Variants in RBPJL observed in about 807,000 individuals in gnomAD.
RBPJL encodes the protein recombining binding protein suppressor of hairless-like protein.
A neutral mutation model predicts 57.6 loss-of-function variants in RBPJL; 50 were observed. The observed-to-expected ratio is 0.87, with a 90% CI of 0.69 to 1.10. The LOEUF is 1.10. Ranked by LOEUF, RBPJL falls within the 50% of genes least tolerant of loss-of-function variation. RBPJL has a pLI of 0.00. For missense variants in RBPJL, 684 were observed against 693.7 expected (o/e 0.99, Z 0.16); for synonymous variants, 303 against 294.4 (o/e 1.03, Z -0.30).
intron 5 of RBPJL, 47 bp from the exon 6 acceptor site, chr20:45,312,174 C>T (rs370364624): frequency 8.7e-6 from 14 of 1,612,526 alleles, no homozygotes; most frequent in African/African-American, 1.3e-5. Context: ...GTTCATCCGA[C>T]GGGGGAGGGC....
In RBPJL at chr20:45,314,471, A is replaced by G. The variant is rs1361910088; in HGVS notation, c.926A>G (p.Gln309Arg). 6.2e-7 allele frequency: 1 copy of G among 1,614,102 alleles called. No individual in the cohort carries two copies. Among genetic ancestry groups the G allele is most frequent in the Admixed American group, 1.7e-5 (1 of 60,008 alleles). ...CTTGATGTGGATGAGCCCATCTCCC[A>G]GCTGCACAAGTGTGCATTCCAGTTT... is the stretch of plus-strand genomic sequence containing the variant. ...ALLDVDEPIS[Q>R]LHKCAFQFPG... is the part of the protein sequence containing the mutation. The change falls in exon 9 of 12, where the codon CAG becomes CGG. Residue 309 changes from glutamine (Q) to arginine (R), a missense_variant. Physicochemically the swap from Gln to Arg is conservative, Grantham distance 43. Coordinates refer to ENST00000343694, the MANE Select transcript of RBPJL (RefSeq NM_014276.4).
intron 6 of RBPJL, among the ~76,000 whole-genome samples, chr20:45,313,007 C>CA (rs11476630): frequency 0.038 from 4,677 of 121,818 alleles, 105 homozygotes; most frequent in Admixed American, 0.064. Flanking sequence ...GATGCTATCT[C>CA]AAAAAAAAAA....
chr20:45,313,925 C>T (rs943963265), intron 7 of RBPJL, 110 bp from the exon 8 acceptor site: 15 of 814,120 alleles, frequency 1.8e-5, no homozygotes, highest in African/African-American at 1.7e-5. Context: ...CAAGCTTTCC[C>T]GCAGGGCCCA....
chr20:45,314,212 G>A, intron 8 of RBPJL, 68 bp downstream of exon 8: 1 of 1,440,456 alleles, frequency 6.9e-7, no homozygotes, highest in Non-Finnish European at 9.7e-7. Flanking sequence ...GCACACACGG[G>A]CAGGGCTGGA....
At chr20:45,308,699 A>G (rs1037214793) in intron 2 of RBPJL, among the ~76,000 whole-genome samples, 2 of 151,928 alleles carry the variant, frequency 1.3e-5, no homozygotes, top group Non-Finnish European at 2.9e-5. Context: ...CAAGAGGAAT[A>G]AGGGCTCAGA....
intron 10 of RBPJL, 52 bp from the exon 11 acceptor site, chr20:45,316,425 G>C: frequency 6.4e-7 from 1 of 1,572,560 alleles, no homozygotes. Flanking sequence ...GGGGGCAGCG[G>C]GTTCCCGCCC....
Position 45,316,585 on chromosome 20 carries a change from G to C in RBPJL, c.1280+5G>C. 1 of 1,522,610 alleles carries C rather than the reference G, an allele frequency of 6.6e-7. No homozygotes were observed. Among genetic ancestry groups the C allele is most frequent in the Non-Finnish European group, 8.8e-7 (1 of 1,133,762 alleles). 94.3% of individuals were successfully genotyped at this position (1,522,610 alleles called of 1,614,324 possible). A position where few individuals can be genotyped will look rare whatever the true frequency, so the allele number is the denominator to read the frequency against. On this transcript the variant is annotated splice_donor_5th_base_variant and intron_variant, in intron 11 of 11. Transcript: ENST00000343694. ...GGAGGCAGAAACCATGTACAGGTAC[G>C]GGGTGGTGAGGCAGCCTCTCTTGGG...
rs1381779510 is a variant in RBPJL at position 45,316,712 on chromosome 20, T to G, written c.1307T>G (p.Val436Gly). 6.2e-7 allele frequency: 1 copy of G among 1,610,594 alleles called. No individual in the cohort carries two copies. Among genetic ancestry groups the G allele is most frequent in the Non-Finnish European group, 8.5e-7 (1 of 1,178,304 alleles). Residue 436 changes from valine (V) to glycine (G), a missense_variant, in exon 12 of 12, where the codon GTG (valine) becomes GGG (glycine). Val to Gly is a moderately radical substitution (Grantham distance 109). Transcript: ENST00000343694. ...AGCCCGCGGTCCCTGGTGTGCGTGG[T>G]GCCGGACGTGGCGGCCTTCTGCAGC... ...YRSPRSLVCV[V>G]PDVAAFCSDW...
At chr20:45,315,103 A>G (rs958264302) in intron 9 of RBPJL, among the ~76,000 whole-genome samples, 2 of 152,164 alleles carry the variant, frequency 1.3e-5, no homozygotes, top group Non-Finnish European at 2.9e-5. Context: ...AAGTAAATAA[A>G]TTGGGATATA....
At chr20:45,316,446 T>G in intron 10 of RBPJL, 31 bp from the exon 11 acceptor site, 2 of 1,557,116 alleles carry the variant, frequency 1.3e-6, no homozygotes, top group Non-Finnish European at 1.7e-6. Flanking sequence ...TACTTGGTTC[T>G]CTCACCTCAC....
intron 2 of RBPJL, 125 bp from the exon 3 acceptor site, chr20:45,309,441 GC>G: frequency 9.9e-7 from 1 of 1,006,744 alleles, no homozygotes. Context: ...ATATAGAGCA[GC>G]CCCACCCTCC....
rs762251790 is a variant in RBPJL, at chr20:45,316,878, C to T, written c.1473C>T (p.Pro491=). ...VRPGHPGVPE[P]ATDADALLES... ...CGGGTCACCCCGGCGTCCCCGAGCC[C>T]GCCACCGACGCCGACGCGCTCCTGG... Residue 491 remains proline, a synonymous_variant, in exon 12 of 12, where the codon CCC becomes CCT. Coordinates refer to ENST00000343694, the MANE Select transcript of RBPJL (RefSeq NM_014276.4). The T allele has an allele frequency of 1.9e-6, 3 of 1,613,562 alleles. No individual in the cohort carries two copies. Among genetic ancestry groups the T allele is most frequent in the Non-Finnish European group, 2.5e-6 (3 of 1,179,588 alleles).
chr20:45,307,662 C>T (rs138228405), intron 1 of RBPJL, among the ~76,000 whole-genome samples: 2 of 152,200 alleles, frequency 1.3e-5, no homozygotes, highest in Non-Finnish European at 2.9e-5. Flanking sequence ...CCTGCCTCCA[C>T]CCCAGGAATC....
rs752605848 is a variant in RBPJL, at chr20:45,316,899, C to T, written c.1494C>T (p.Leu498=). Residue 498 remains leucine (L), a synonymous_variant, in exon 12 of 12, where the codon CTC becomes CTT. Transcript: ENST00000343694. ...AGCCCGCCACCGACGCCGACGCGCT[C>T]CTGGAGAGCATCCATCAGGAGTTCA... ...VPEPATDADA[L]LESIHQEFTR... 1.2e-6 allele frequency: 2 copies of T among 1,613,530 alleles called. No homozygotes were observed. Among genetic ancestry groups the T allele is most frequent in the East Asian group, 2.2e-5 (1 of 44,874 alleles).
chr20:45,307,781 C>G (rs1265664431), intron 1 of RBPJL, among the ~76,000 whole-genome samples: 2 of 152,156 alleles, frequency 1.3e-5, no homozygotes, highest in African/African-American at 2.4e-5. Context: ...CTGAAGGGTA[C>G]ATGGCGATGT....
chr20:45,314,209 C>G, intron 8 of RBPJL, 65 bp downstream of exon 8: 4 of 1,443,800 alleles, frequency 2.8e-6, no homozygotes, highest in Admixed American at 3.4e-5. Flanking sequence ...GTGGCACACA[C>G]GGGCAGGGCT....
At chr20:45,316,652 C>A in intron 11 of RBPJL, 34 bp from the exon 12 acceptor site, 1 of 1,539,888 alleles carries the variant, frequency 6.5e-7, no homozygotes, top group Non-Finnish European at 8.8e-7. Context: ...TCGTCGGAGT[C>A]GCCGCAGCCC....
chr20:45,308,259 C>CA lies in RBPJL; in HGVS notation c.131+8_131+9insA. On this transcript the variant is annotated intron_variant, in intron 2 of 11. Coordinates refer to ENST00000343694, the MANE Select transcript of RBPJL (RefSeq NM_014276.4). The stretch of plus-strand genomic sequence containing the variant: ...CCCGGGCACTTGGACCAGGTAACGG[C>CA]GGCGTGGCAGCGTGCCCTAGGTGGG... 6.3e-7 allele frequency: 1 copy of CA among 1,591,198 alleles called. No homozygotes were observed. The highest frequency in any genetic ancestry group is 8.6e-7 in the Non-Finnish European group (1 of 1,159,412).
Position 45,316,169 on chromosome 20 carries a change from C to G in RBPJL, c.1021-18C>G. On this transcript the variant is annotated intron_variant, in intron 9 of 11. Transcript: ENST00000343694. ...ACCATGAGAAGCTTCGGCCTCGTCCCCTTGGGTCTCCTCCCAGGCCTCTCC... is the reference window on the plus strand; with the variant it reads ...ACCATGAGAAGCTTCGGCCTCGTCCGCTTGGGTCTCCTCCCAGGCCTCTCC... 1.2e-6 allele frequency: 2 copies of G among 1,610,020 alleles called. No homozygotes were observed. The highest frequency in any genetic ancestry group is 1.7e-6 in the Non-Finnish European group (2 of 1,176,634).
Sources: gnomAD v4.1 joint callset for allele counts (sites outside exome capture counted in the v4.1 genomes callset) on GRCh38, gnomAD v4.1.1 for gene constraint, MANE v1.5 for transcripts, NCBI Gene and HGNC (gene_info 2026-07-23, HGNC 2026-07-21) for gene names.